C1QTNF3: variants seen among roughly 807,000 people sequenced by gnomAD.
The protein encoded by C1QTNF3 is C1q and TNF related 3, also known as complement C1q tumor necrosis factor-related protein 3.
Under a neutral mutation model 32.6 loss-of-function variants are expected in C1QTNF3, and 26 were observed. That is an observed-to-expected ratio of 0.80 (90% CI 0.58 to 1.11). C1QTNF3 has a LOEUF of 1.11. Among genes scored for constraint, C1QTNF3 ranks in the 50% least tolerant of loss-of-function variants. The probability of loss-of-function intolerance (pLI) is 0.00; values close to 1 mark genes in which losing one functional copy is unlikely to be tolerated. For synonymous variants in C1QTNF3, 155 were observed against 146.0 expected (o/e 1.06, Z -0.44); for missense variants, 362 against 398.2 (o/e 0.91, Z 0.77).
intron 3 of C1QTNF3, among the ~76,000 whole-genome samples, chr5:34,029,462 T>G (rs1686113365): frequency 6.6e-6 from 1 of 152,234 alleles, no homozygotes; most frequent in South Asian, 2.1e-4. Flanking sequence ...ATGAAATTAA[T>G]TCTTTGAATA....
At chr5:34,175,353 T>C in the C1QTNF3 span, 1 of 160,718 alleles carries the variant, frequency 6.2e-6, no homozygotes, top group African/African-American at 2.4e-5. Context: ...TGAAGACTTT[T>C]AAATGCTGCC....
the C1QTNF3 span, among the ~76,000 whole-genome samples, chr5:34,090,664 G>A: frequency 1.3e-5 from 2 of 152,186 alleles, no homozygotes; most frequent in African/African-American, 4.8e-5. Flanking sequence ...TGGAGGTGGG[G>A]TCTTTGGTAG....
the C1QTNF3 span, among the ~76,000 whole-genome samples, chr5:34,116,248 A>G: frequency 1.3e-5 from 2 of 152,114 alleles, no homozygotes; most frequent in African/African-American, 4.8e-5. Flanking sequence ...TGCAATTTTA[A>G]AAAATTTTAT....
chr5:34,031,091 T>TA (rs1404029811), intron 3 of C1QTNF3, among the ~76,000 whole-genome samples: 10 of 150,278 alleles, frequency 6.7e-5, no homozygotes, highest in South Asian at 4.3e-4. Flanking sequence ...GAATAAAAGT[T>TA]AAAAAAAAAG....
In C1QTNF3 at chr5:34,020,306, T is replaced by A; in HGVS notation, c.*277A>T. On this transcript the variant is annotated 3_prime_UTR_variant, in exon 6 of 6. Transcript: ENST00000382065. ...GTGATAGAAAAAAATATTTCCAACC[T>A]GCGTCAGAGGAGAATTATCTTTTAG... The A allele has an allele frequency of 3.2e-6, 1 of 311,200 alleles. No homozygotes were observed. Among genetic ancestry groups the A allele is most frequent in the East Asian group, 5.6e-5 (1 of 17,838 alleles). The allele number at this position is 311,200 out of a possible 1,614,324, so 19.3% of individuals were successfully genotyped here. A position where few individuals can be genotyped will look rare whatever the true frequency, so the allele number is the denominator to read the frequency against.
the C1QTNF3 span, among the ~76,000 whole-genome samples, chr5:34,137,689 T>C: frequency 4.6e-5 from 7 of 152,254 alleles, no homozygotes; most frequent in Non-Finnish European, 7.3e-5. Context: ...TTATGACTTT[T>C]GTTTTCACAT....
chr5:34,056,410 ATG>A, the C1QTNF3 span, among the ~76,000 whole-genome samples: 1 of 94,840 alleles, frequency 1.1e-5, no homozygotes, highest in African/African-American at 3.3e-5. Context: ...ATATATATAT[ATG>A]TATATGTATG....
chr5:34,072,802 T>C, the C1QTNF3 span, among the ~76,000 whole-genome samples: 1 of 152,196 alleles, frequency 6.6e-6, no homozygotes, highest in African/African-American at 2.4e-5. Context: ...CTTTATTACG[T>C]TTCTCAACCT....
chr5:34,088,303 G>T, the C1QTNF3 span, among the ~76,000 whole-genome samples: 2 of 152,012 alleles, frequency 1.3e-5, no homozygotes, highest in Admixed American at 1.3e-4. Context: ...AAGCTAACTT[G>T]GTCTTTTTCA....
At chr5:34,196,852 G>T in the C1QTNF3 span, among the ~76,000 whole-genome samples, 1 of 152,266 alleles carries the variant, frequency 6.6e-6, no homozygotes, top group Non-Finnish European at 1.5e-5. Context: ...AATAGAGATG[G>T]GGTTTCACCG....
At chr5:34,095,841 G>A in the C1QTNF3 span, among the ~76,000 whole-genome samples, 4 of 151,258 alleles carry the variant, frequency 2.6e-5, no homozygotes, top group African/African-American at 9.7e-5. Context: ...AGCGAAAATG[G>A]AAGGTTAATT....
the C1QTNF3 span, among the ~76,000 whole-genome samples, chr5:34,079,701 C>T: frequency 2.0e-5 from 3 of 151,616 alleles, no homozygotes; most frequent in Non-Finnish European, 4.4e-5. Context: ...AAAATCTACA[C>T]AATACCAATT....
At chr5:34,068,099 T>C in the C1QTNF3 span, among the ~76,000 whole-genome samples, 2 of 152,160 alleles carry the variant, frequency 1.3e-5, no homozygotes, top group African/African-American at 4.8e-5. Context: ...CTGACAAACA[T>C]ATGCAGAAGT....
the C1QTNF3 span, among the ~76,000 whole-genome samples, chr5:34,092,636 T>C: frequency 1.7e-4 from 25 of 151,256 alleles, no homozygotes; most frequent in Non-Finnish European, 2.4e-4. Context: ...TTTGTTCTGT[T>C]ATGATGACTA....
chr5:34,094,359 C>T, the C1QTNF3 span, among the ~76,000 whole-genome samples: 2 of 152,072 alleles, frequency 1.3e-5, no homozygotes, highest in South Asian at 2.1e-4. Context: ...AATTATTTAG[C>T]ACCTGGGATC....
At chr5:34,035,796 A>G in intron 1 of C1QTNF3, 38 bp from the exon 2 acceptor site, 1 of 1,497,076 alleles carries the variant, frequency 6.7e-7, no homozygotes, top group Non-Finnish European at 9.2e-7. Flanking sequence ...AAAAAAAGGT[A>G]CTTGTGAGCA....
intron 3 of C1QTNF3, among the ~76,000 whole-genome samples, chr5:34,031,400 T>C (rs1438567180): frequency 1.3e-5 from 2 of 152,252 alleles, no homozygotes; most frequent in Admixed American, 6.5e-5. Flanking sequence ...TTACCATTCA[T>C]AGGTTATGGG....
At chr5:34,135,192 T>C in the C1QTNF3 span, among the ~76,000 whole-genome samples, 1 of 152,218 alleles carries the variant, frequency 6.6e-6, no homozygotes, top group Non-Finnish European at 1.5e-5. Flanking sequence ...TTTTTGTCAT[T>C]GGTTCTGTTT....
At chr5:34,155,566 CAGAT>C in the C1QTNF3 span, among the ~76,000 whole-genome samples, 1 of 152,070 alleles carries the variant, frequency 6.6e-6, no homozygotes, top group Non-Finnish European at 1.5e-5. Context: ...ACTCTATTGA[CAGAT>C]AGAATTTTCC....
Sources: gnomAD v4.1 joint callset for allele counts (sites outside exome capture counted in the v4.1 genomes callset) on GRCh38, gnomAD v4.1.1 for gene constraint, MANE v1.5 for transcripts, NCBI Gene and HGNC (gene_info 2026-07-23, HGNC 2026-07-21) for gene names.